The following PCSK4 variants were observed in gnomAD, a reference collection of about 807,000 sequenced individuals.
PCSK4 encodes testicular tissue protein Li 135.
Under a neutral mutation model 80.3 loss-of-function variants are expected in PCSK4, and 64 were observed. That is an observed-to-expected ratio of 0.80 (90% CI 0.65 to 0.98). PCSK4 has a LOEUF of 0.98. Ranked by LOEUF, PCSK4 falls within the 50% of genes least tolerant of loss-of-function variation. PCSK4 has a pLI of 0.00. For missense variants in PCSK4, 1,213 were observed against 1,093.6 expected, an observed-to-expected ratio of 1.11 and a Z score of -1.54; for synonymous variants, 561 against 487.6, an observed-to-expected ratio of 1.15 and a Z score of -1.98.
intron 3 of PCSK4, 36 bp downstream of exon 3, chr19:1,488,152 C>A (rs2084741368): frequency 3.1e-6 from 5 of 1,613,246 alleles, no homozygotes; most frequent in Non-Finnish European, 1.7e-6. Flanking sequence ...CGCCAGCGGC[C>A]CCGTCCCCGT....
At chr19:1,490,399 G>A (rs2084889416) in exon 1 of PCSK4, 5 of 698,540 alleles carry the variant, frequency 7.2e-6, no homozygotes, top group South Asian at 2.0e-5. Flanking sequence ...CCGCCAAACC[G>A]CCGAGTGGGC....
chr19:1,485,122 TG>T (rs1230854893), intron 8 of PCSK4, among the ~76,000 whole-genome samples: 1 of 151,804 alleles, frequency 6.6e-6, no homozygotes, highest in Non-Finnish European at 1.5e-5. Flanking sequence ...CACTCCAACC[TG>T]GGTGACAGAG....
intron 2 of PCSK4, 158 bp downstream of exon 2, chr19:1,489,635 T>C: frequency 7.6e-7 from 1 of 1,320,594 alleles, no homozygotes; most frequent in African/African-American, 1.5e-5. Context: ...TGGGTCTTCC[T>C]GCCTCCTCTT....
exon 11 of PCSK4, chr19:1,483,666 C>G: frequency 6.3e-7 from 1 of 1,593,554 alleles, no homozygotes; most frequent in Non-Finnish European, 8.5e-7. Flanking sequence ...CGGCTCTGGA[C>G]CCGGACGGCG....
chr19:1,489,355 C>G (rs1005180357), intron 2 of PCSK4, among the ~76,000 whole-genome samples: 6 of 152,106 alleles, frequency 3.9e-5, no homozygotes, highest in African/African-American at 1.4e-4. Context: ...GATCTCGTCT[C>G]GATTTCCTGA....
At chr19:1,483,506 G>A (rs1260179427) in intron 11 of PCSK4, 43 bp from the exon 12 acceptor site, 11 of 1,440,058 alleles carry the variant, frequency 7.6e-6, no homozygotes, top group African/African-American at 1.4e-5. Flanking sequence ...GGCCTGCTGG[G>A]GGGTGGGTGG....
At position 1,490,043 on chromosome 19, in the gene PCSK4, G is replaced by T. The variant is rs944872252; in HGVS notation, c.189+115C>A. The T allele has an allele frequency of 3.3e-6, 5 of 1,519,862 alleles. No homozygotes were observed. In the African/African-American group the frequency reaches 6.9e-5, roughly 21 times the overall value. The allele number at this position is 1,519,862 out of a possible 1,614,324, so 94.1% of individuals were successfully genotyped here. A position where few individuals can be genotyped will look rare whatever the true frequency, so the allele number is the denominator to read the frequency against. The stretch of plus-strand genomic sequence containing the variant: ...AGCTGAGCTTGGCTGAGGCAGGGGT[G>T]GGCTGGGACTCTTGATATTTAGAAG... On this transcript the variant is annotated intron_variant, in intron 1 of 14. Coordinates refer to ENST00000300954, the Ensembl canonical transcript of PCSK4.
At position 1,481,698 on chromosome 19, in the gene PCSK4, A is replaced by T. The variant is rs556132251; in HGVS notation, c.*61T>A. 86 of 1,207,740 alleles carry T rather than the reference A, an allele frequency of 7.1e-5. No individual in the cohort carries two copies. In the African/African-American group the frequency reaches 1.2e-3, roughly 16 times the overall value. The allele number at this position is 1,207,740 out of a possible 1,614,324, so 74.8% of individuals were successfully genotyped here. On this transcript the variant is annotated 3_prime_UTR_variant, in exon 15 of 15. Coordinates refer to ENST00000300954, the Ensembl canonical transcript of PCSK4. The stretch of plus-strand genomic sequence containing the variant: ...TCTGGGGCCAGCCTGGGGAGGCAGC[A>T]TGGCAGCAGTGCCTGTCAGGGACCC...
rs768795749 is a variant in PCSK4 at position 1,490,352 on chromosome 19, C to T, written c.-6G>A. The T allele has an allele frequency of 4.4e-6, 5 of 1,131,868 alleles. No individual in the cohort carries two copies. Among genetic ancestry groups the T allele is most frequent in the South Asian group, 3.1e-5 (2 of 64,880 alleles). 70.1% of individuals were successfully genotyped at this position (1,131,868 alleles called of 1,614,324 possible). A position where few individuals can be genotyped will look rare whatever the true frequency, so the allele number is the denominator to read the frequency against. ...GCAATCGGGGCGGGCCGCATGGAGG[C>T]GGGGCGGGAGCGGGGCCTGCGCAAA... is the stretch of plus-strand genomic sequence containing the variant. On this transcript the variant is annotated 5_prime_UTR_variant, in exon 1 of 15. Transcript: ENST00000300954.
At chr19:1,485,779 G>C (rs972391490) in intron 8 of PCSK4, among the ~76,000 whole-genome samples, 3 of 151,568 alleles carry the variant, frequency 2.0e-5, no homozygotes, top group Non-Finnish European at 4.4e-5. Flanking sequence ...GCTGAGGAAG[G>C]AGAATGGTGT....
chr19:1,489,718 CCA>C lies in PCSK4; in HGVS notation c.294+73_294+74del, dbSNP rs1462091671. 2.6e-6 allele frequency: 4 copies of C among 1,541,240 alleles called. No homozygotes were observed. In the Admixed American group the frequency reaches 7.9e-5, roughly 30 times the overall value. On this transcript the variant is annotated intron_variant, in intron 2 of 14. Coordinates refer to ENST00000300954, the Ensembl canonical transcript of PCSK4. The stretch of plus-strand genomic sequence containing the variant: ...CAGCTGTTCATAACAACCACGAGAA[CCA>C]CAGAAGATGGCTGGTGGCCCCAGGA...
exon 10 of PCSK4, chr19:1,483,894 G>C (rs1345379719): frequency 6.7e-7 from 1 of 1,491,456 alleles, no homozygotes; most frequent in East Asian, 2.8e-5. Flanking sequence ...CGCCGGCTTG[G>C]ACGCGCGGAC....
rs759870370 is a variant in PCSK4 at position 1,483,478 on chromosome 19, G to T, written c.1392-15C>A. The T allele has an allele frequency of 6.4e-7, 1 of 1,563,998 alleles. No homozygotes were observed. Among genetic ancestry groups the T allele is most frequent in the South Asian group, 1.1e-5 (1 of 88,654 alleles). On this transcript the variant is annotated splice_polypyrimidine_tract_variant and intron_variant, in intron 11 of 14. Coordinates refer to ENST00000300954, the Ensembl canonical transcript of PCSK4. ...GCAGGATGGGGCTGAGGGGGTCGAG[G>T]GGTGAGGACCCTCCTGCGGCCTGCT...
At chr19:1,486,117 C>T (rs1364777172) in intron 8 of PCSK4, among the ~76,000 whole-genome samples, 5 of 151,744 alleles carry the variant, frequency 3.3e-5, no homozygotes, top group South Asian at 2.1e-4. Context: ...GGATTACAGG[C>T]GCCCGCCACC....
At chr19:1,488,391 C>T (rs2084754873) in intron 2 of PCSK4, 111 bp from the exon 3 acceptor site, 1 of 774,384 alleles carries the variant, frequency 1.3e-6, no homozygotes. Flanking sequence ...GTGGGGGTTG[C>T]TCTCCAGGGT....
chr19:1,487,366 C>T, intron 6 of PCSK4, 53 bp from the exon 7 acceptor site: 1 of 1,386,628 alleles, frequency 7.2e-7, no homozygotes, highest in Non-Finnish European at 9.8e-7. Context: ...CTTCCCCACA[C>T]CCCAGCCCGC....
chr19:1,488,148 C>T (rs4807120), intron 3 of PCSK4, 40 bp downstream of exon 3: 851,937 of 1,612,672 alleles, frequency 0.53, 229,717 homozygotes, highest in Admixed American at 0.58. Flanking sequence ...AGGGCGCCAG[C>T]GGCCCCGTCC....
In PCSK4 at chr19:1,483,772, G is replaced by A. The variant is rs1245751563; in HGVS notation, c.1274-5C>T. On this transcript the variant is annotated splice_region_variant and splice_polypyrimidine_tract_variant and intron_variant, in intron 10 of 14. Transcript: ENST00000300954. ...CGTATCCGTAGTGATGGCTCACTGCGCGGAAGGGCAGCAGTCACTCGCCCC... is the reference window on the plus strand; with the variant it reads ...CGTATCCGTAGTGATGGCTCACTGCACGGAAGGGCAGCAGTCACTCGCCCC... The A allele has an allele frequency of 5.1e-6, 8 of 1,577,220 alleles. No individual in the cohort carries two copies. Among genetic ancestry groups the A allele is most frequent in the South Asian group, 1.1e-5 (1 of 88,224 alleles).
rs766414435 is a variant in PCSK4, at chr19:1,484,039, G to A, written c.1157C>T (p.Ala386Val). ...CGCAGTCACCTACTTGGCCTCCAGC[G>A]CTAGGGCGATCATGCCGGCCGCCAG... Residue 386 changes from alanine (A) to valine (V), a missense_variant, in exon 9 of 15, where the codon GCG becomes GTG. Ala to Val is a moderately conservative substitution (Grantham distance 64). Transcript: ENST00000300954. The A allele has an allele frequency of 9.7e-6, 15 of 1,549,132 alleles. No homozygotes were observed. In the Admixed American group the frequency reaches 1.2e-4, roughly 12 times the overall value.
Sources: gnomAD v4.1 joint callset for allele counts (sites outside exome capture counted in the v4.1 genomes callset) on GRCh38, gnomAD v4.1.1 for gene constraint, MANE v1.5 for transcripts, NCBI Gene and HGNC (gene_info 2026-07-23, HGNC 2026-07-21) for gene names.